The following CNTNAP2 variants were observed in gnomAD, a reference collection of about 807,000 sequenced individuals.
CNTNAP2 encodes the protein contactin-associated protein-like 2.
Under a neutral mutation model 155.2 loss-of-function variants are expected in CNTNAP2, and 98 were observed. The ratio of observed to expected loss-of-function variants is 0.63; its 90% CI spans 0.54 to 0.75. The LOEUF is 0.75. Among genes scored for constraint, CNTNAP2 ranks in the 30% least tolerant of loss-of-function variants. The pLI is 0.00. For missense variants in CNTNAP2, 1,727 were observed against 1,688.1 expected, an observed-to-expected ratio of 1.02 and a Z score of -0.40; for synonymous variants, 651 against 631.2, an observed-to-expected ratio of 1.03 and a Z score of -0.47.
chr7:147,761,802 G>C (rs1162978182), intron 13 of CNTNAP2, among the ~76,000 whole-genome samples: 1 of 152,126 alleles, frequency 6.6e-6, no homozygotes, highest in Non-Finnish European at 1.5e-5. Flanking sequence ...TCTACTCACA[G>C]ATTAATGATG....
chr7:148,144,182 A>T (rs939157362), intron 16 of CNTNAP2, among the ~76,000 whole-genome samples: 3 of 152,144 alleles, frequency 2.0e-5, no homozygotes, highest in Non-Finnish European at 4.4e-5. Flanking sequence ...TTTTTTAAGG[A>T]TGTGTGTATA....
At chr7:146,958,146 C>T (rs903826202) in intron 3 of CNTNAP2, among the ~76,000 whole-genome samples, 2 of 152,066 alleles carry the variant, frequency 1.3e-5, no homozygotes, top group African/African-American at 4.8e-5. Flanking sequence ...CTAACATGTG[C>T]CAAAGGCGAA....
chr7:146,190,872 G>C (rs1422370989), intron 1 of CNTNAP2, among the ~76,000 whole-genome samples: 1 of 152,058 alleles, frequency 6.6e-6, no homozygotes, highest in Admixed American at 6.6e-5. Context: ...CATGAAAAAT[G>C]TCATTCATGT....
At chr7:146,920,179 C>T (rs577682360) in intron 3 of CNTNAP2, among the ~76,000 whole-genome samples, 3 of 152,070 alleles carry the variant, frequency 2.0e-5, no homozygotes, top group East Asian at 1.9e-4. Context: ...TTTGGGAGGC[C>T]GAGGAGAGCA....
chr7:148,088,666 A>G (rs1374097363), intron 15 of CNTNAP2, among the ~76,000 whole-genome samples: 4 of 152,026 alleles, frequency 2.6e-5, no homozygotes, highest in Non-Finnish European at 5.9e-5. Context: ...AATTAAATCA[A>G]TAAAAAGCCT....
At chr7:147,883,041 T>C (rs1300891535) in intron 13 of CNTNAP2, among the ~76,000 whole-genome samples, 1 of 152,212 alleles carries the variant, frequency 6.6e-6, no homozygotes, top group Admixed American at 6.5e-5. Flanking sequence ...TTCTGAACAC[T>C]GATATAACTG....
intron 1 of CNTNAP2, among the ~76,000 whole-genome samples, chr7:146,772,786 G>A (rs1241244733): frequency 2.0e-5 from 3 of 152,286 alleles, no homozygotes; most frequent in East Asian, 1.9e-4. Context: ...ACTGGGTGGC[G>A]GGGTAGCAGG....
At chr7:147,120,075 TATC>T (rs998223554) in intron 5 of CNTNAP2, among the ~76,000 whole-genome samples, 3 of 152,204 alleles carry the variant, frequency 2.0e-5, no homozygotes, top group Non-Finnish European at 4.4e-5. Context: ...TTCTGAATGT[TATC>T]ATTTTAATTA....
At chr7:147,331,830 A>C (rs1795576184) in intron 9 of CNTNAP2, among the ~76,000 whole-genome samples, 1 of 152,166 alleles carries the variant, frequency 6.6e-6, no homozygotes, top group South Asian at 2.1e-4. Flanking sequence ...CCATGGAACT[A>C]ACCAATGATC....
At chr7:146,753,981 A>ATT (rs1259581669) in intron 1 of CNTNAP2, among the ~76,000 whole-genome samples, 1 of 151,976 alleles carries the variant, frequency 6.6e-6, no homozygotes, top group East Asian at 1.9e-4. Flanking sequence ...TTCTACATCT[A>ATT]TTTTTTATTC....
chr7:147,964,325 C>T (rs1164677760), intron 14 of CNTNAP2, among the ~76,000 whole-genome samples: 1 of 152,132 alleles, frequency 6.6e-6, no homozygotes, highest in African/African-American at 2.4e-5. Flanking sequence ...AATACGGCAG[C>T]CTGAGCAGAC....
At chr7:146,829,388 A>T (rs1803467253) in intron 2 of CNTNAP2, among the ~76,000 whole-genome samples, 1 of 152,092 alleles carries the variant, frequency 6.6e-6, no homozygotes, top group Admixed American at 6.5e-5. Context: ...CCATTGAAGG[A>T]ACAAACATAT....
chr7:147,596,463 T>G (rs1488952624), intron 12 of CNTNAP2, among the ~76,000 whole-genome samples: 2 of 152,038 alleles, frequency 1.3e-5, no homozygotes, highest in Non-Finnish European at 2.9e-5. Context: ...AAACAGAAAT[T>G]CGATTGTTTT....
chr7:147,951,704 A>C (rs1255820272), intron 14 of CNTNAP2, among the ~76,000 whole-genome samples: 1 of 151,916 alleles, frequency 6.6e-6, no homozygotes, highest in Non-Finnish European at 1.5e-5. Flanking sequence ...TTAAAAATAA[A>C]TTTTATTGAA....
chr7:147,048,029 A>T (rs190434846), intron 4 of CNTNAP2, among the ~76,000 whole-genome samples: 21 of 151,736 alleles, frequency 1.4e-4, no homozygotes, highest in African/African-American at 4.8e-4. Context: ...AAGTATTTGC[A>T]GATGTGACTA....
At chr7:147,221,028 C>CT (rs1043832579) in intron 8 of CNTNAP2, among the ~76,000 whole-genome samples, 3 of 151,074 alleles carry the variant, frequency 2.0e-5, no homozygotes, top group African/African-American at 4.9e-5. Context: ...CTTTTTAATA[C>CT]TTTTTTTTTA....
intron 3 of CNTNAP2, among the ~76,000 whole-genome samples, chr7:146,971,824 T>C (rs1331035872): frequency 6.6e-6 from 1 of 152,178 alleles, no homozygotes; most frequent in Non-Finnish European, 1.5e-5. Context: ...ATACCCATCA[T>C]GGAGTTTTGA....
At chr7:146,291,423 A>G (rs1800427463) in intron 1 of CNTNAP2, among the ~76,000 whole-genome samples, 1 of 152,154 alleles carries the variant, frequency 6.6e-6, no homozygotes, top group African/African-American at 2.4e-5. Flanking sequence ...GTGCCTATAA[A>G]CTTTATTGGA....
chr7:146,566,867 T>C (rs1798365484), intron 1 of CNTNAP2, among the ~76,000 whole-genome samples: 1 of 152,158 alleles, frequency 6.6e-6, no homozygotes, highest in Non-Finnish European at 1.5e-5. Context: ...TGGACTTTTG[T>C]GTTGGAGATA....
Sources: allele counts gnomAD v4.1 joint callset (sites outside exome capture counted in the v4.1 genomes callset), GRCh38; gene constraint gnomAD v4.1.1; transcripts MANE v1.5; gene names NCBI Gene and HGNC (gene_info 2026-07-23, HGNC 2026-07-21).